Variants in CDC42BPA observed in about 807,000 individuals in gnomAD.
The protein encoded by CDC42BPA is serine/threonine-protein kinase MRCK alpha.
CDC42BPA carries 80 observed loss-of-function variants against 223.5 expected under a neutral mutation model. That is an observed-to-expected ratio of 0.36 (90% CI 0.30 to 0.43). The LOEUF is 0.43. Among genes scored for constraint, CDC42BPA ranks in the 20% least tolerant of loss-of-function variants. The probability of loss-of-function intolerance (pLI) is 1.00; values close to 1 mark genes in which losing one functional copy is unlikely to be tolerated. For missense variants in CDC42BPA, 1,743 were observed against 2,099.9 expected (o/e 0.83, Z 3.32); for synonymous variants, 694 against 718.6 (o/e 0.97, Z 0.55).
chr1:227,193,236 A>AT (rs34184053), intron 5 of CDC42BPA, among the ~76,000 whole-genome samples: 13 of 149,452 alleles, frequency 8.7e-5, no homozygotes, highest in African/African-American at 2.3e-4. Context: ...CGCCCGGCTA[A>AT]TTTTTTTTTG....
intron 1 of CDC42BPA, among the ~76,000 whole-genome samples, chr1:227,283,254 T>G (rs1688284975): frequency 6.6e-6 from 1 of 152,148 alleles, no homozygotes; most frequent in South Asian, 2.1e-4. Context: ...AAGCAAACAT[T>G]TATAAATCTG....
At chr1:227,297,967 T>TACAC (rs1553440423) in intron 1 of CDC42BPA, among the ~76,000 whole-genome samples, 223 of 132,072 alleles carry the variant, frequency 1.7e-3, no homozygotes, top group South Asian at 9.3e-3. Context: ...TATATACATA[T>TACAC]ACACACACAC....
intron 7 of CDC42BPA, 93 bp from the exon 8 acceptor site, chr1:227,145,830 T>C (rs1660607884): frequency 3.1e-6 from 3 of 958,088 alleles, no homozygotes; most frequent in Non-Finnish European, 4.5e-6. Flanking sequence ...ATACATTTTA[T>C]TTTAAATATA....
intron 1 of CDC42BPA, among the ~76,000 whole-genome samples, chr1:227,291,722 GTTT>G (rs1372570331): frequency 4.8e-5 from 6 of 125,274 alleles, no homozygotes; most frequent in Non-Finnish European, 9.9e-5. Context: ...CTTCAAACCA[GTTT>G]GCATCAGGTT....
chr1:227,114,333 A>C (rs1404020022), intron 12 of CDC42BPA, among the ~76,000 whole-genome samples: 3 of 152,052 alleles, frequency 2.0e-5, no homozygotes, highest in African/African-American at 7.2e-5. Context: ...AGATATGAGA[A>C]GATAATTAAA....
At chr1:227,003,255 T>G (rs1176787081) in intron 35 of CDC42BPA, among the ~76,000 whole-genome samples, 2 of 152,206 alleles carry the variant, frequency 1.3e-5, no homozygotes, top group African/African-American at 4.8e-5. Flanking sequence ...GAAATTGGAT[T>G]TAGTGCAGTT....
chr1:227,262,581 A>G (rs1684274415), intron 1 of CDC42BPA, among the ~76,000 whole-genome samples: 1 of 152,210 alleles, frequency 6.6e-6, no homozygotes, highest in South Asian at 2.1e-4. Flanking sequence ...GAATATAGCC[A>G]TGTATTCTGG....
intron 10 of CDC42BPA, among the ~76,000 whole-genome samples, chr1:227,138,470 G>A (rs1179043250): frequency 7.0e-6 from 1 of 143,432 alleles, no homozygotes; most frequent in African/African-American, 2.6e-5. Flanking sequence ...AGGAGACTGG[G>A]AAGGACAGGT....
intron 2 of CDC42BPA, among the ~76,000 whole-genome samples, chr1:227,223,093 A>T (rs149543966): frequency 6.6e-6 from 1 of 152,364 alleles, no homozygotes; most frequent in East Asian, 1.9e-4. Context: ...GGAGTAGAGG[A>T]GGAAAGTGTA....
intron 6 of CDC42BPA, among the ~76,000 whole-genome samples, chr1:227,153,616 G>A (rs571318969): frequency 5.9e-5 from 9 of 151,836 alleles, no homozygotes; most frequent in Non-Finnish European, 1.3e-4. Flanking sequence ...ACTACTTTAT[G>A]GCAATACAAT....
Position 227,201,009 on chromosome 1 carries a change from T to C in CDC42BPA, c.355-1357A>G, listed in dbSNP as rs945680310. Among the ~76,000 whole-genome samples, 9 of 152,356 alleles carry C rather than the reference T, an allele frequency of 5.9e-5. No homozygotes were observed. The East Asian group carries it at 1.7e-3, about 29-fold the overall frequency. On this transcript the variant is annotated intron_variant, in intron 3 of 36. Transcript: ENST00000366766. ...TTTGTCTTTTAATTGTTCACTTCCCTTGTCCATTTTCTCTAATGGATTGTT... is the reference window on the plus strand; with the variant it reads ...TTTGTCTTTTAATTGTTCACTTCCCCTGTCCATTTTCTCTAATGGATTGTT...
At chr1:227,030,055 C>T (rs938565718) in intron 29 of CDC42BPA, among the ~76,000 whole-genome samples, 23 of 152,078 alleles carry the variant, frequency 1.5e-4, no homozygotes, top group African/African-American at 4.6e-4. Context: ...ATCTCTTGAA[C>T]CCAGGAGGCG....
intron 2 of CDC42BPA, among the ~76,000 whole-genome samples, chr1:227,243,355 CTG>C (rs1436310754): frequency 1.3e-5 from 2 of 152,148 alleles, no homozygotes; most frequent in African/African-American, 4.8e-5. Context: ...ACATTGAAAA[CTG>C]TTTTTAAAAA....
At chr1:227,232,882 T>C (rs1246314980) in intron 2 of CDC42BPA, among the ~76,000 whole-genome samples, 1 of 152,220 alleles carries the variant, frequency 6.6e-6, no homozygotes, top group Non-Finnish European at 1.5e-5. Flanking sequence ...GAGGAGGCAG[T>C]CTGTCCATTC....
chr1:227,192,572 T>G (rs1342803934), intron 5 of CDC42BPA, among the ~76,000 whole-genome samples: 2 of 152,190 alleles, frequency 1.3e-5, no homozygotes, highest in Non-Finnish European at 2.9e-5. Flanking sequence ...TTTCTCACAT[T>G]TTGCACCATC....
chr1:227,314,624 T>C (rs1443414816), intron 1 of CDC42BPA, among the ~76,000 whole-genome samples: 1 of 152,010 alleles, frequency 6.6e-6, no homozygotes, highest in Non-Finnish European at 1.5e-5. Flanking sequence ...TGACTGTACT[T>C]TAAGAGTAAT....
chr1:227,308,017 G>A (rs1484114824), intron 1 of CDC42BPA, among the ~76,000 whole-genome samples: 1 of 152,090 alleles, frequency 6.6e-6, no homozygotes. Context: ...AGCTTATCCT[G>A]TAAGATTTTT....
chr1:227,134,439 G>A (rs144277995), intron 10 of CDC42BPA, among the ~76,000 whole-genome samples: 4 of 152,050 alleles, frequency 2.6e-5, no homozygotes, highest in East Asian at 1.9e-4. Context: ...TACTCTTTTC[G>A]TCTCCATACT....
At chr1:227,086,691 T>C (rs1213712788) in intron 16 of CDC42BPA, among the ~76,000 whole-genome samples, 3 of 151,924 alleles carry the variant, frequency 2.0e-5, no homozygotes, top group African/African-American at 7.3e-5. Flanking sequence ...TTTTCCTTTT[T>C]TTTTTTTTGA....
Sources: allele counts gnomAD v4.1 joint callset (sites outside exome capture counted in the v4.1 genomes callset), GRCh38; gene constraint gnomAD v4.1.1; transcripts MANE v1.5; gene names NCBI Gene and HGNC (gene_info 2026-07-23, HGNC 2026-07-21).